HS3ST4: variants seen among roughly 807,000 people sequenced by gnomAD.
The protein encoded by HS3ST4 is heparan sulfate glucosamine 3-O-sulfotransferase 4.
HS3ST4 carries 17 observed loss-of-function variants against 29.2 expected under a neutral mutation model. The observed-to-expected ratio is 0.58, with a 90% CI of 0.40 to 0.87. The LOEUF (loss-of-function observed/expected upper bound fraction) is 0.87. Among genes scored for constraint, HS3ST4 ranks in the 40% least tolerant of loss-of-function variants. HS3ST4 has a pLI of 0.00. For missense variants in HS3ST4, 627 were observed against 634.5 expected (o/e 0.99, Z 0.13); for synonymous variants, 314 against 285.7 (o/e 1.10, Z -1.00).
intron 1 of HS3ST4, among the ~76,000 whole-genome samples, chr16:25,978,381 T>C (rs762244885): frequency 3.3e-5 from 5 of 152,260 alleles, no homozygotes; most frequent in African/African-American, 1.2e-4. Flanking sequence ...CTGTTGTAAC[T>C]ACTCAGCTCT....
intron 1 of HS3ST4, among the ~76,000 whole-genome samples, chr16:25,748,251 TC>T (rs1966697074): frequency 6.6e-6 from 1 of 152,122 alleles, no homozygotes; most frequent in African/African-American, 2.4e-5. Flanking sequence ...GCCGCTCCCC[TC>T]CCCCCCTTTA....
At chr16:25,868,306 A>T (rs534407832) in intron 1 of HS3ST4, among the ~76,000 whole-genome samples, 232 of 151,934 alleles carry the variant, frequency 1.5e-3, no homozygotes, top group African/African-American at 4.4e-3. Context: ...GCTGCTTTTT[A>T]AAAAAAAGCA....
chr16:26,115,633 C>A (rs1899193226), intron 1 of HS3ST4, among the ~76,000 whole-genome samples: 2 of 152,074 alleles, frequency 1.3e-5, no homozygotes. Flanking sequence ...ACTCAAGGTA[C>A]ACAGGCTTGA....
intron 1 of HS3ST4, among the ~76,000 whole-genome samples, chr16:25,873,877 T>C (rs1438457090): frequency 6.6e-6 from 1 of 152,182 alleles, no homozygotes; most frequent in Non-Finnish European, 1.5e-5. Flanking sequence ...TTTAGTACAA[T>C]TGTTTCCTCT....
intron 1 of HS3ST4, among the ~76,000 whole-genome samples, chr16:26,129,077 T>C: frequency 6.6e-6 from 1 of 152,190 alleles, no homozygotes; most frequent in East Asian, 1.9e-4. Context: ...TTATATCTAA[T>C]CCGGGTGATT....
chr16:25,909,957 C>G (rs1968219228), intron 1 of HS3ST4, among the ~76,000 whole-genome samples: 1 of 152,272 alleles, frequency 6.6e-6, no homozygotes, highest in South Asian at 2.1e-4. Context: ...CCTTGAACTC[C>G]TGGGCCAAAG....
intron 1 of HS3ST4, among the ~76,000 whole-genome samples, chr16:25,952,292 G>A (rs147409644): frequency 2.8e-4 from 42 of 152,304 alleles, no homozygotes; most frequent in African/African-American, 9.6e-4. Flanking sequence ...CCCATGGGGT[G>A]CAACAGTCCT....
At chr16:26,095,659 A>C (rs1898916982) in intron 1 of HS3ST4, among the ~76,000 whole-genome samples, 1 of 152,248 alleles carries the variant, frequency 6.6e-6, no homozygotes, top group South Asian at 2.1e-4. Flanking sequence ...CCACAAGAGA[A>C]AGCAGGAAAG....
intron 1 of HS3ST4, among the ~76,000 whole-genome samples, chr16:25,721,700 T>C (rs1202755979): frequency 6.6e-6 from 1 of 152,176 alleles, no homozygotes; most frequent in East Asian, 1.9e-4. Flanking sequence ...ACACCTGACA[T>C]TCTGCAAAGT....
intron 1 of HS3ST4, among the ~76,000 whole-genome samples, chr16:25,987,416 T>C (rs1358664316): frequency 6.6e-6 from 1 of 152,152 alleles, no homozygotes; most frequent in East Asian, 1.9e-4. Context: ...TTTGTGCCTG[T>C]AAGTACTTTA....
At chr16:25,837,898 G>A (rs1567251834) in intron 1 of HS3ST4, among the ~76,000 whole-genome samples, 1 of 152,150 alleles carries the variant, frequency 6.6e-6, no homozygotes, top group Non-Finnish European at 1.5e-5. Context: ...AGTGAGCATA[G>A]TACCCGAAAG....
At position 25,775,656 on chromosome 16, in the gene HS3ST4, C is replaced by T. The variant is rs149041606; in HGVS notation, c.734+82505C>T. 7.1e-3 allele frequency among the ~76,000 whole-genome samples: 1,074 copies of T among 152,294 alleles called. 14 individuals carry two copies. The highest frequency in any genetic ancestry group is 0.025 in the African/African-American group (1,022 of 41,544). On this transcript the variant is annotated intron_variant, in intron 1 of 1. Coordinates refer to ENST00000331351, the MANE Select transcript of HS3ST4 (RefSeq NM_006040.3). ...ATTCCTCACAACTTTTGTCTGTGCACGTGTTCTTCTTTTTTCTGAATGCTC... is the reference window on the plus strand; with the variant it reads ...ATTCCTCACAACTTTTGTCTGTGCATGTGTTCTTCTTTTTTCTGAATGCTC...
chr16:25,953,968 C>T (rs8050730), intron 1 of HS3ST4, among the ~76,000 whole-genome samples: 23,801 of 152,070 alleles, frequency 0.16, 3,365 homozygotes, highest in African/African-American at 0.38. Flanking sequence ...GTTTCCTTTT[C>T]GTGGACTGAA....
chr16:25,692,983 C>A lies in HS3ST4; in HGVS notation c.566C>A (p.Thr189Asn). 1 of 1,611,084 alleles carries A rather than the reference C, an allele frequency of 6.2e-7. No individual in the cohort carries two copies. The highest frequency in any genetic ancestry group is 8.5e-7 in the Non-Finnish European group (1 of 1,179,238). The change falls in exon 1 of 2, where the codon ACC becomes AAC. Residue 189 changes from threonine (T) to asparagine (N), a missense_variant. Physicochemically the swap from Thr to Asn is moderately conservative, Grantham distance 65. Coordinates refer to ENST00000331351, the MANE Select transcript of HS3ST4 (RefSeq NM_006040.3). ...AGCGAGAGGGGCGGCGCCGTCAGCACCCCCGACTATGGGGAGAAGAAGCTG... is the reference window on the plus strand; with the variant it reads ...AGCGAGAGGGGCGGCGCCGTCAGCAACCCCGACTATGGGGAGAAGAAGCTG... ...GSSERGGAVS[T>N]PDYGEKKLPQ...
chr16:25,744,252 T>A (rs1179447780), intron 1 of HS3ST4, among the ~76,000 whole-genome samples: 2 of 152,162 alleles, frequency 1.3e-5, no homozygotes, highest in Non-Finnish European at 2.9e-5. Flanking sequence ...CCTGGAGAGG[T>A]ATAACTTTTT....
chr16:25,760,235 G>A (rs1030889079), intron 1 of HS3ST4, among the ~76,000 whole-genome samples: 6 of 152,084 alleles, frequency 3.9e-5, no homozygotes, highest in African/African-American at 1.4e-4. Context: ...CACAGTTCCA[G>A]AGGATGGAAG....
intron 1 of HS3ST4, among the ~76,000 whole-genome samples, chr16:25,747,933 A>G (rs1966694997): frequency 6.6e-6 from 1 of 152,156 alleles, no homozygotes; most frequent in Non-Finnish European, 1.5e-5. Flanking sequence ...TGCTCCTGAA[A>G]TGTTCTGGCA....
chr16:26,023,164 G>A (rs901717031), intron 1 of HS3ST4, among the ~76,000 whole-genome samples: 7 of 151,678 alleles, frequency 4.6e-5, no homozygotes, highest in African/African-American at 1.2e-4. Context: ...TTAAAGCATC[G>A]TAATGATTTT....
rs144531557 is a variant in HS3ST4 at position 26,064,410 on chromosome 16, G to A, written c.735-71202G>A. 3.7e-3 allele frequency among the ~76,000 whole-genome samples: 570 copies of A among 152,276 alleles called. 4 individuals are homozygous for A. Among genetic ancestry groups the A allele is most frequent in the African/African-American group, 0.013 (548 of 41,558 alleles). ...GGTAGACCATGAGCAAAGGCTCAGA[G>A]GGAAGACTGAGCATCGTGCAGAAGC... On this transcript the variant is annotated intron_variant, in intron 1 of 1. Transcript: ENST00000331351.
Sources: allele counts gnomAD v4.1 joint callset (sites outside exome capture counted in the v4.1 genomes callset), GRCh38; gene constraint gnomAD v4.1.1; transcripts MANE v1.5; gene names NCBI Gene and HGNC (gene_info 2026-07-23, HGNC 2026-07-21).